The following CERS6 variants were observed in gnomAD, a reference collection of about 807,000 sequenced individuals.
CERS6 encodes ceramide synthase 6.
In CERS6, 26 loss-of-function variants were observed where a neutral mutation model predicts 56.8. The observed-to-expected ratio is 0.46, with a 90% CI of 0.34 to 0.63. The LOEUF (loss-of-function observed/expected upper bound fraction) is 0.63. CERS6 is among the 30% of genes least tolerant of loss of function. The pLI is 0.01. For missense variants in CERS6, 415 were observed against 467.5 expected, an observed-to-expected ratio of 0.89 and a Z score of 1.04; for synonymous variants, 164 against 173.3, an observed-to-expected ratio of 0.95 and a Z score of 0.42.
At chr2:168,738,145 A>G (rs1683771582) in intron 8 of CERS6, among the ~76,000 whole-genome samples, 3 of 152,216 alleles carry the variant, frequency 2.0e-5, no homozygotes, top group African/African-American at 7.2e-5. Flanking sequence ...GTTTTATTTT[A>G]TATACAGGGT....
At chr2:168,668,729 C>T (rs1685831623) in intron 4 of CERS6, among the ~76,000 whole-genome samples, 1 of 152,180 alleles carries the variant, frequency 6.6e-6, no homozygotes, top group Non-Finnish European at 1.5e-5. Context: ...GCTGGGATTA[C>T]AGCTGTGAGC....
chr2:168,547,472 T>C, intron 1 of CERS6, 124 bp from the exon 2 acceptor site: 2 of 608,822 alleles, frequency 3.3e-6, no homozygotes, highest in African/African-American at 1.9e-5. Flanking sequence ...GTTGACAATG[T>C]ACACCCATGA....
At chr2:168,766,307 C>T (rs1327739762) in intron 9 of CERS6, 2 of 1,597,540 alleles carry the variant, frequency 1.3e-6, no homozygotes, top group South Asian at 1.1e-5. Context: ...TCTCTTCCTT[C>T]TGCTACCCTG....
chr2:168,626,803 T>C (rs368777769), intron 3 of CERS6, among the ~76,000 whole-genome samples: 2 of 152,144 alleles, frequency 1.3e-5, no homozygotes, highest in East Asian at 3.9e-4. Flanking sequence ...TTATATGGAG[T>C]CTTTCTGGGA....
In CERS6 at chr2:168,626,667, T is replaced by C. The variant is rs531861654; in HGVS notation, c.408-4318T>C. ...GCAGGGTGCTCTAATTCTGTAGAAT[T>C]TGAGAGAGGGCTTTAGAGTCACTGC... On this transcript the variant is annotated intron_variant, in intron 3 of 9. Transcript: ENST00000305747. 2.6e-5 allele frequency among the ~76,000 whole-genome samples: 4 copies of C among 152,162 alleles called. No homozygotes were observed. The South Asian group carries it at 8.3e-4, about 31-fold the overall frequency.
At chr2:168,759,824 T>A (rs1291472158) in intron 8 of CERS6, among the ~76,000 whole-genome samples, 2 of 151,974 alleles carry the variant, frequency 1.3e-5, no homozygotes, top group African/African-American at 2.4e-5. Context: ...GCCATACCCC[T>A]TTGCATCTAA....
At chr2:168,660,955 G>A (rs1685613867) in intron 4 of CERS6, among the ~76,000 whole-genome samples, 1 of 151,976 alleles carries the variant, frequency 6.6e-6, no homozygotes, top group Non-Finnish European at 1.5e-5. Flanking sequence ...AATGCCTCCT[G>A]GTTTTAATGT....
chr2:168,619,963 T>TTC (rs1684421237), intron 3 of CERS6, among the ~76,000 whole-genome samples: 1 of 145,494 alleles, frequency 6.9e-6, no homozygotes, highest in South Asian at 2.2e-4. Context: ...TGGACACAGT[T>TTC]TATTTATCCC....
chr2:168,521,340 A>G (rs546192585), intron 1 of CERS6, among the ~76,000 whole-genome samples: 1 of 152,322 alleles, frequency 6.6e-6, no homozygotes, highest in South Asian at 2.1e-4. Context: ...TTGACTTTTC[A>G]AATTTGACTG....
At chr2:168,612,642 G>A (rs775419699) in intron 3 of CERS6, among the ~76,000 whole-genome samples, 12 of 152,220 alleles carry the variant, frequency 7.9e-5, no homozygotes, top group Non-Finnish European at 1.2e-4. Flanking sequence ...CATATGGGTT[G>A]CCTATTGCAG....
In CERS6 at chr2:168,686,820, A is replaced by G. The variant is rs77322700; in HGVS notation, c.466-4214A>G. On this transcript the variant is annotated intron_variant, in intron 4 of 9. Transcript: ENST00000305747. Reference sequence around the variant, plus strand: ...TCTGAGACTGTCTACAAAATAATTGATACTTACCTTGATGCATGTATTAAT... The same window carrying G: ...TCTGAGACTGTCTACAAAATAATTGGTACTTACCTTGATGCATGTATTAAT... Among the ~76,000 whole-genome samples the G allele has an allele frequency of 4.0e-3, 605 of 152,308 alleles. 6 individuals carry two copies. The highest frequency in any genetic ancestry group is 0.014 in the African/African-American group (593 of 41,562).
chr2:168,518,696 G>C (rs991302959), intron 1 of CERS6, among the ~76,000 whole-genome samples: 1 of 152,254 alleles, frequency 6.6e-6, no homozygotes, highest in Non-Finnish European at 1.5e-5. Flanking sequence ...AGCTGTGTCT[G>C]TAGGGCCTCT....
In CERS6 at chr2:168,696,086, G is replaced by A. The variant is rs575934107; in HGVS notation, c.609+1035G>A. The stretch of plus-strand genomic sequence containing the variant: ...AAACAGTTCTAATCCCAAGCATTTG[G>A]GGTAAGGGATACACAACGTATATTG... On this transcript the variant is annotated intron_variant, in intron 6 of 9. Transcript: ENST00000305747. 1.1e-4 allele frequency among the ~76,000 whole-genome samples: 16 copies of A among 152,202 alleles called. No individual in the cohort carries two copies. The South Asian group carries it at 3.1e-3, about 30-fold the overall frequency.
intron 1 of CERS6, among the ~76,000 whole-genome samples, chr2:168,516,915 A>G (rs1694893838): frequency 6.6e-6 from 1 of 152,122 alleles, no homozygotes; most frequent in Non-Finnish European, 1.5e-5. Flanking sequence ...CTTGATCACA[A>G]GTCTGTCCAA....
chr2:168,567,949 T>G (rs930345075), intron 3 of CERS6, among the ~76,000 whole-genome samples: 27 of 152,340 alleles, frequency 1.8e-4, no homozygotes, highest in African/African-American at 6.5e-4. Context: ...TCTGCTCTTT[T>G]GCCTCGAGTA....
chr2:168,518,500 C>G (rs1694922145), intron 1 of CERS6, among the ~76,000 whole-genome samples: 1 of 152,172 alleles, frequency 6.6e-6, no homozygotes, highest in African/African-American at 2.4e-5. Flanking sequence ...CTAGAAATCT[C>G]TATGTATATG....
intron 6 of CERS6, among the ~76,000 whole-genome samples, chr2:168,700,452 A>G (rs932651004): frequency 6.6e-6 from 1 of 152,244 alleles, no homozygotes; most frequent in Non-Finnish European, 1.5e-5. Context: ...AAGGAAAGTC[A>G]AAAAGCACCT....
At chr2:168,473,002 A>T (rs1410812359) in intron 1 of CERS6, among the ~76,000 whole-genome samples, 1 of 152,216 alleles carries the variant, frequency 6.6e-6, no homozygotes, top group African/African-American at 2.4e-5. Context: ...TTGAAACATT[A>T]TGCTCACCTT....
intron 4 of CERS6, among the ~76,000 whole-genome samples, chr2:168,685,672 C>T (rs768660426): frequency 6.6e-6 from 1 of 152,062 alleles, no homozygotes; most frequent in Admixed American, 6.5e-5. Context: ...TCGATTCTTA[C>T]GTGTGTGGTC....
Sources: gnomAD v4.1 joint callset for allele counts (sites outside exome capture counted in the v4.1 genomes callset) on GRCh38, gnomAD v4.1.1 for gene constraint, MANE v1.5 for transcripts, NCBI Gene and HGNC (gene_info 2026-07-23, HGNC 2026-07-21) for gene names.